The following BRINP3 variants were observed in gnomAD, a reference collection of about 807,000 sequenced individuals.
BRINP3 encodes the protein BMP/retinoic acid-inducible neural-specific protein 3.
BRINP3 carries 19 observed loss-of-function variants against 71.0 expected under a neutral mutation model. The ratio of observed to expected loss-of-function variants is 0.27; its 90% CI spans 0.19 to 0.39. The LOEUF (loss-of-function observed/expected upper bound fraction) is 0.39, where lower values mean the gene tolerates loss of function less well. Among genes scored for constraint, BRINP3 ranks in the 10% least tolerant of loss-of-function variants. The pLI is 1.00. For missense variants in BRINP3, 959 were observed against 940.8 expected (o/e 1.02, Z -0.25); for synonymous variants, 380 against 337.7 (o/e 1.13, Z -1.37).
intron 4 of BRINP3, among the ~76,000 whole-genome samples, chr1:190,255,504 G>C (rs774275328): frequency 6.6e-6 from 1 of 152,078 alleles, no homozygotes; most frequent in Non-Finnish European, 1.5e-5. Flanking sequence ...TCCTGGTTTA[G>C]TCTTGGGAGG....
intron 2 of BRINP3, among the ~76,000 whole-genome samples, chr1:190,397,397 T>A (rs988546272): frequency 6.6e-6 from 1 of 151,944 alleles, no homozygotes; most frequent in African/African-American, 2.4e-5. Flanking sequence ...CCCATACCTG[T>A]CTCTGCATTT....
intron 7 of BRINP3, among the ~76,000 whole-genome samples, chr1:190,115,066 TAGTG>T (rs1354525255): frequency 6.6e-6 from 1 of 152,184 alleles, no homozygotes; most frequent in Non-Finnish European, 1.5e-5. Flanking sequence ...ATGTGTTTCT[TAGTG>T]AGAATTTTAC....
At chr1:190,203,708 A>G (rs1023904633) in intron 6 of BRINP3, among the ~76,000 whole-genome samples, 3 of 135,118 alleles carry the variant, frequency 2.2e-5, no homozygotes, top group Admixed American at 1.6e-4. Flanking sequence ...ACTTCAAAAT[A>G]TAAGTGTGCA....
At chr1:190,346,432 T>C (rs557142852) in intron 2 of BRINP3, among the ~76,000 whole-genome samples, 1 of 152,208 alleles carries the variant, frequency 6.6e-6, no homozygotes, top group Admixed American at 6.5e-5. Flanking sequence ...TAATAATGTA[T>C]CCTTTTTATC....
At chr1:190,459,534 C>T (rs1285157216) in intron 1 of BRINP3, among the ~76,000 whole-genome samples, 1 of 151,926 alleles carries the variant, frequency 6.6e-6, no homozygotes, top group East Asian at 1.9e-4. Context: ...CTGAATTAAA[C>T]TTAATATCCT....
chr1:190,412,363 A>C (rs1362804447), intron 2 of BRINP3, among the ~76,000 whole-genome samples: 1 of 146,400 alleles, frequency 6.8e-6, no homozygotes, highest in East Asian at 2.0e-4. Flanking sequence ...ATGGATAAAA[A>C]TGTCAAACAA....
chr1:190,193,093 T>A (rs1654188244), intron 6 of BRINP3, among the ~76,000 whole-genome samples: 1 of 152,110 alleles, frequency 6.6e-6, no homozygotes, highest in African/African-American at 2.4e-5. Context: ...GATTTATTTT[T>A]AAATTATTTT....
chr1:190,150,454 G>T (rs1656291355), intron 7 of BRINP3, among the ~76,000 whole-genome samples: 1 of 152,156 alleles, frequency 6.6e-6, no homozygotes, highest in Non-Finnish European at 1.5e-5. Context: ...TTAGTCATTA[G>T]ATTAAATGTA....
At chr1:190,399,612 G>T (rs1220330480) in intron 2 of BRINP3, among the ~76,000 whole-genome samples, 1 of 151,972 alleles carries the variant, frequency 6.6e-6, no homozygotes, top group East Asian at 1.9e-4. Flanking sequence ...AGCTGCAAGA[G>T]AAATATATTA....
intron 6 of BRINP3, among the ~76,000 whole-genome samples, chr1:190,172,192 A>T (rs941103051): frequency 6.7e-6 from 1 of 149,496 alleles, no homozygotes; most frequent in Non-Finnish European, 1.5e-5. Context: ...ATGTGATTAA[A>T]TTTTTAATAA....
intron 2 of BRINP3, among the ~76,000 whole-genome samples, chr1:190,346,920 G>A (rs893603153): frequency 6.6e-6 from 1 of 151,904 alleles, no homozygotes. Context: ...TATTTTTATG[G>A]TTGTTCTCTT....
intron 7 of BRINP3, among the ~76,000 whole-genome samples, chr1:190,136,779 G>A (rs1020388126): frequency 6.6e-6 from 1 of 151,958 alleles, no homozygotes; most frequent in African/African-American, 2.4e-5. Context: ...AATACTAATA[G>A]GAAGCAAATG....
chr1:190,399,059 A>G (rs1671761712), intron 2 of BRINP3, among the ~76,000 whole-genome samples: 1 of 152,018 alleles, frequency 6.6e-6, no homozygotes, highest in African/African-American at 2.4e-5. Context: ...TTGTGCGCAG[A>G]AATTACTATT....
intron 1 of BRINP3, 111 bp from the exon 2 acceptor site, chr1:190,455,051 A>G (rs1374012014): frequency 5.4e-6 from 3 of 558,498 alleles, no homozygotes; most frequent in Non-Finnish European, 9.4e-6. Context: ...GTTTTAAATT[A>G]GTATTATCAG....
chr1:190,407,571 C>G (rs1672364738), intron 2 of BRINP3, among the ~76,000 whole-genome samples: 2 of 151,930 alleles, frequency 1.3e-5, no homozygotes, highest in African/African-American at 4.8e-5. Context: ...AATCAACATT[C>G]AAGAAAAAAC....
At chr1:190,445,542 G>A (rs938229688) in intron 2 of BRINP3, among the ~76,000 whole-genome samples, 5 of 150,136 alleles carry the variant, frequency 3.3e-5, no homozygotes, top group African/African-American at 9.8e-5. Flanking sequence ...GTATACACAC[G>A]CATACACACA....
chr1:190,256,433 C>T (rs946752852), intron 4 of BRINP3, among the ~76,000 whole-genome samples: 2 of 152,134 alleles, frequency 1.3e-5, no homozygotes, highest in East Asian at 3.9e-4. Context: ...GGTCTTGACT[C>T]TGTATCCAAT....
intron 7 of BRINP3, among the ~76,000 whole-genome samples, chr1:190,112,555 C>A (rs1361793): frequency 0.097 from 14,811 of 152,086 alleles, 810 homozygotes; most frequent in Middle Eastern, 0.12. Context: ...CATTTACAGT[C>A]TTGGATTATG....
intron 4 of BRINP3, among the ~76,000 whole-genome samples, chr1:190,262,654 G>A (rs979477329): frequency 3.3e-5 from 5 of 152,100 alleles, no homozygotes; most frequent in African/African-American, 9.7e-5. Flanking sequence ...CGGACAATGG[G>A]CATTCCCCGT....
Sources: gnomAD v4.1 joint callset for allele counts (sites outside exome capture counted in the v4.1 genomes callset) on GRCh38, gnomAD v4.1.1 for gene constraint, MANE v1.5 for transcripts, NCBI Gene and HGNC (gene_info 2026-07-23, HGNC 2026-07-21) for gene names.